LRP1B: variants seen among roughly 807,000 people sequenced by gnomAD.
LRP1B encodes low-density lipoprotein receptor-related protein 1B.
A neutral mutation model predicts 556.6 loss-of-function variants in LRP1B; 217 were observed. The ratio of observed to expected loss-of-function variants is 0.39; its 90% CI spans 0.35 to 0.44. The LOEUF (loss-of-function observed/expected upper bound fraction) is 0.44, where lower values mean the gene tolerates loss of function less well. LRP1B is among the 20% of genes least tolerant of loss of function. The pLI, the probability that LRP1B is intolerant of heterozygous loss-of-function variation, is 1.00. For missense variants in LRP1B, 5,053 were observed against 5,620.8 expected, an observed-to-expected ratio of 0.90 and a Z score of 3.23; for synonymous variants, 2,047 against 1,865.8, an observed-to-expected ratio of 1.10 and a Z score of -2.50.
intron 43 of LRP1B, among the ~76,000 whole-genome samples, chr2:140,568,998 C>A (rs546977818): frequency 6.6e-6 from 1 of 152,062 alleles, no homozygotes; most frequent in African/African-American, 2.4e-5. Flanking sequence ...GTGAGTCCTA[C>A]ATCTAGAAGC....
intron 11 of LRP1B, among the ~76,000 whole-genome samples, chr2:141,040,725 C>A (rs1237279135): frequency 1.3e-5 from 2 of 151,986 alleles, no homozygotes; most frequent in African/African-American, 2.4e-5. Flanking sequence ...CATTTCAACA[C>A]ACAATTGGAG....
At chr2:140,659,009 G>A (rs1422156204) in intron 41 of LRP1B, among the ~76,000 whole-genome samples, 1 of 145,942 alleles carries the variant, frequency 6.9e-6, no homozygotes, top group Non-Finnish European at 1.5e-5. Context: ...CTGGAAACAT[G>A]TTAGATGATG....
intron 11 of LRP1B, among the ~76,000 whole-genome samples, chr2:141,037,215 G>A (rs1255088732): frequency 6.6e-6 from 1 of 151,982 alleles, no homozygotes; most frequent in Admixed American, 6.6e-5. Context: ...GTCCACCAAG[G>A]GAGGGATCTG....
intron 1 of LRP1B, among the ~76,000 whole-genome samples, chr2:141,900,897 CA>C (rs946215010): frequency 2.0e-5 from 3 of 151,788 alleles, no homozygotes; most frequent in African/African-American, 7.3e-5. Flanking sequence ...CTGACAGGTC[CA>C]AAAACTATTC....
chr2:141,641,848 A>G (rs548717752), intron 2 of LRP1B, among the ~76,000 whole-genome samples: 28 of 152,284 alleles, frequency 1.8e-4, no homozygotes, highest in African/African-American at 6.7e-4. Context: ...TTTGCATACT[A>G]TTATTGAAAA....
chr2:141,934,414 A>G (rs1700581051), intron 1 of LRP1B, among the ~76,000 whole-genome samples: 1 of 152,184 alleles, frequency 6.6e-6, no homozygotes, highest in Middle Eastern at 3.2e-3. Flanking sequence ...AGGAATCCCA[A>G]GCAAATCTGA....
At chr2:141,103,477 T>C (rs955108335) in intron 7 of LRP1B, among the ~76,000 whole-genome samples, 4 of 143,554 alleles carry the variant, frequency 2.8e-5, no homozygotes, top group Non-Finnish European at 4.5e-5. Flanking sequence ...ACTAATTAAA[T>C]TGGGATATAA....
intron 1 of LRP1B, among the ~76,000 whole-genome samples, chr2:141,881,906 G>GAT (rs1463540508): frequency 2.0e-5 from 3 of 152,036 alleles, no homozygotes; most frequent in Non-Finnish European, 4.4e-5. Context: ...ACTCTAGGAA[G>GAT]ATATTAAATA....
At chr2:140,586,704 C>T (rs979089626) in intron 43 of LRP1B, 1 of 152,050 alleles carries the variant, frequency 6.6e-6, no homozygotes, top group East Asian at 1.9e-4. Flanking sequence ...CCTGCTACTC[C>T]GATAGGGTAG....
intron 2 of LRP1B, among the ~76,000 whole-genome samples, chr2:141,524,423 A>G (rs1002648527): frequency 1.3e-5 from 2 of 151,924 alleles, no homozygotes; most frequent in African/African-American, 4.8e-5. Context: ...GTTCACTAAG[A>G]CTCGGTTTAA....
At chr2:141,407,926 C>G (rs1458834808) in intron 3 of LRP1B, among the ~76,000 whole-genome samples, 1 of 152,084 alleles carries the variant, frequency 6.6e-6, no homozygotes, top group Non-Finnish European at 1.5e-5. Flanking sequence ...AAGCATATCA[C>G]AGGAAAGTTT....
intron 1 of LRP1B, among the ~76,000 whole-genome samples, chr2:141,843,292 G>C (rs1188072379): frequency 6.6e-6 from 1 of 152,082 alleles, no homozygotes; most frequent in Admixed American, 6.6e-5. Context: ...TTAACACATT[G>C]GGAAGTTAGG....
At chr2:141,525,264 A>T (rs1684659991) in intron 2 of LRP1B, among the ~76,000 whole-genome samples, 1 of 152,104 alleles carries the variant, frequency 6.6e-6, no homozygotes, top group Non-Finnish European at 1.5e-5. Context: ...GAGAGAAGAT[A>T]GAGGATTTGA....
chr2:141,802,584 T>A (rs1300638897), intron 2 of LRP1B, among the ~76,000 whole-genome samples: 1 of 151,896 alleles, frequency 6.6e-6, no homozygotes, highest in African/African-American at 2.4e-5. Flanking sequence ...AGAGTAGAGG[T>A]ATTTCAGGGT....
At chr2:141,296,196 A>G (rs940755665) in intron 3 of LRP1B, among the ~76,000 whole-genome samples, 4 of 152,200 alleles carry the variant, frequency 2.6e-5, no homozygotes, top group Admixed American at 1.3e-4. Flanking sequence ...CCTTATTTTC[A>G]AATGAGGAAA....
At chr2:140,490,098 G>C (rs187625642) in intron 57 of LRP1B, among the ~76,000 whole-genome samples, 6 of 152,160 alleles carry the variant, frequency 3.9e-5, no homozygotes, top group Non-Finnish European at 8.8e-5. Context: ...AGTAGTTTCA[G>C]AGATGAAAAT....
At chr2:141,047,432 C>T (rs908091578) in intron 11 of LRP1B, among the ~76,000 whole-genome samples, 1 of 152,004 alleles carries the variant, frequency 6.6e-6, no homozygotes, top group Non-Finnish European at 1.5e-5. Flanking sequence ...GCTCTCATTT[C>T]CTCTAAAAGA....
At chr2:140,732,831 T>C (rs1477489956) in intron 35 of LRP1B, among the ~76,000 whole-genome samples, 1 of 152,166 alleles carries the variant, frequency 6.6e-6, no homozygotes, top group Non-Finnish European at 1.5e-5. Flanking sequence ...GAAAACAAGA[T>C]TCCTTAAGAA....
intron 1 of LRP1B, among the ~76,000 whole-genome samples, chr2:141,944,916 G>C (rs999571154): frequency 4.6e-5 from 7 of 152,124 alleles, no homozygotes; most frequent in Non-Finnish European, 8.8e-5. Flanking sequence ...TCTGTCAAGA[G>C]TAAGCGTAGT....
Sources: gnomAD v4.1 joint callset for allele counts (sites outside exome capture counted in the v4.1 genomes callset) on GRCh38, gnomAD v4.1.1 for gene constraint, MANE v1.5 for transcripts, NCBI Gene and HGNC (gene_info 2026-07-23, HGNC 2026-07-21) for gene names.